ADGRL3: variants seen among roughly 807,000 people sequenced by gnomAD.
ADGRL3 encodes adhesion G protein-coupled receptor L3.
ADGRL3 carries 62 observed loss-of-function variants against 153.5 expected under a neutral mutation model. The observed-to-expected ratio is 0.40, with a 90% CI of 0.33 to 0.50. ADGRL3 has a LOEUF of 0.50. Among genes scored for constraint, ADGRL3 ranks in the 20% least tolerant of loss-of-function variants. The probability of loss-of-function intolerance (pLI) is 0.47; values close to 1 mark genes in which losing one functional copy is unlikely to be tolerated. For synonymous variants in ADGRL3, 710 were observed against 672.5 expected (o/e 1.06, Z -0.86); for missense variants, 1,641 against 1,859.4 (o/e 0.88, Z 2.16).
chr4:61,596,297 C>T (rs188129959), intron 5 of ADGRL3, among the ~76,000 whole-genome samples: 47 of 152,184 alleles, frequency 3.1e-4, no homozygotes, highest in Non-Finnish European at 5.3e-4. Flanking sequence ...ATTATGCCGG[C>T]CTTTTGTAAT....
chr4:61,598,865 A>C (rs2098999787), intron 5 of ADGRL3, among the ~76,000 whole-genome samples: 1 of 152,192 alleles, frequency 6.6e-6, no homozygotes, highest in Non-Finnish European at 1.5e-5. Context: ...TCAGGATGAT[A>C]GAGCAGACAT....
intron 11 of ADGRL3, 145 bp from the exon 12 acceptor site, chr4:61,909,415 G>A: frequency 3.5e-6 from 2 of 569,548 alleles, no homozygotes; most frequent in Non-Finnish European, 6.0e-6. Context: ...GAAAAATTGG[G>A]GAGTGTATTC....
intron 1 of ADGRL3, among the ~76,000 whole-genome samples, chr4:61,321,795 G>C (rs986545735): frequency 6.6e-6 from 1 of 152,098 alleles, no homozygotes; most frequent in Admixed American, 6.6e-5. Context: ...GTTGTTGAGT[G>C]AAATGTTGTT....
intron 4 of ADGRL3, among the ~76,000 whole-genome samples, chr4:61,576,725 T>C (rs1362744667): frequency 6.6e-6 from 1 of 151,464 alleles, no homozygotes; most frequent in Admixed American, 6.6e-5. Flanking sequence ...TCCTAACAAA[T>C]ATAGTCTAGT....
At chr4:61,335,490 C>A (rs1178062371) in intron 1 of ADGRL3, among the ~76,000 whole-genome samples, 1 of 152,154 alleles carries the variant, frequency 6.6e-6, no homozygotes, top group Non-Finnish European at 1.5e-5. Flanking sequence ...TCTTTCAGGA[C>A]TGATGTTCCT....
chr4:61,341,134 T>A lies in ADGRL3; in HGVS notation c.-239-41990T>A, dbSNP rs370748730. On this transcript the variant is annotated intron_variant, in intron 1 of 26. Coordinates refer to ENST00000683033, the MANE Select transcript of ADGRL3 (RefSeq NM_001387552.1). Reference sequence around the variant, plus strand: ...CACATTTACCTATCCTTCATTTTTCTTCTTTTGCTCAGAATAAGTTGTATG... The same window carrying A: ...CACATTTACCTATCCTTCATTTTTCATCTTTTGCTCAGAATAAGTTGTATG... Among the ~76,000 whole-genome samples the A allele has an allele frequency of 9.2e-5, 14 of 152,130 alleles. No individual in the cohort carries two copies. The East Asian group carries it at 1.2e-3, about 13-fold the overall frequency.
chr4:61,563,793 A>T (rs2098805227), intron 4 of ADGRL3, among the ~76,000 whole-genome samples: 1 of 152,110 alleles, frequency 6.6e-6, no homozygotes, highest in Non-Finnish European at 1.5e-5. Context: ...GCAGATCACA[A>T]GGTCAAGAAA....
chr4:61,446,615 C>G (rs555647985), intron 2 of ADGRL3, among the ~76,000 whole-genome samples: 5 of 152,018 alleles, frequency 3.3e-5, no homozygotes, highest in Non-Finnish European at 7.4e-5. Context: ...TGTCCAGGTG[C>G]AATTGAATAA....
chr4:61,990,965 TGTG>T (rs1365115031), intron 19 of ADGRL3, among the ~76,000 whole-genome samples: 2 of 113,144 alleles, frequency 1.8e-5, no homozygotes, highest in Non-Finnish European at 4.2e-5. Flanking sequence ...TGTGTGTGTG[TGTG>T]TGTGTGTGTG....
intron 2 of ADGRL3, among the ~76,000 whole-genome samples, chr4:61,481,072 A>T (rs891623875): frequency 2.8e-4 from 42 of 152,170 alleles, no homozygotes; most frequent in Non-Finnish European, 5.9e-5. Context: ...GGCCGTGGTC[A>T]TGAACACTCA....
intron 6 of ADGRL3, among the ~76,000 whole-genome samples, chr4:61,711,050 T>G (rs2095969177): frequency 6.6e-6 from 1 of 152,156 alleles, no homozygotes; most frequent in South Asian, 2.1e-4. Flanking sequence ...TTATAAATTA[T>G]GTAGTTGTGG....
At chr4:62,024,441 A>G (rs1432325007) in intron 21 of ADGRL3, among the ~76,000 whole-genome samples, 1 of 152,148 alleles carries the variant, frequency 6.6e-6, no homozygotes, top group African/African-American at 2.4e-5. Context: ...AAACATAGGA[A>G]TATAGCTTTT....
intron 1 of ADGRL3, among the ~76,000 whole-genome samples, chr4:61,267,268 A>G (rs890987730): frequency 6.6e-6 from 1 of 151,790 alleles, no homozygotes; most frequent in Non-Finnish European, 1.5e-5. Context: ...CTTATTTTCA[A>G]GGAAGGTCAT....
intron 1 of ADGRL3, among the ~76,000 whole-genome samples, chr4:61,296,185 TTAA>T (rs1330832952): frequency 1.3e-5 from 2 of 152,108 alleles, no homozygotes; most frequent in East Asian, 3.9e-4. Context: ...CAAAGCTAAC[TTAA>T]TAATACTGTT....
intron 4 of ADGRL3, among the ~76,000 whole-genome samples, chr4:61,565,137 T>C (rs1193783014): frequency 6.6e-6 from 1 of 152,180 alleles, no homozygotes; most frequent in Non-Finnish European, 1.5e-5. Context: ...GCAGGATTGC[T>C]ACACACCTTC....
At chr4:61,759,967 C>T (rs559952759) in intron 8 of ADGRL3, among the ~76,000 whole-genome samples, 13 of 152,284 alleles carry the variant, frequency 8.5e-5, no homozygotes, top group South Asian at 2.1e-4. Context: ...GTATCAGCAG[C>T]GGAGGCTGCA....
chr4:61,624,408 T>C (rs1450694214), intron 5 of ADGRL3, among the ~76,000 whole-genome samples: 1 of 152,146 alleles, frequency 6.6e-6, no homozygotes, highest in African/African-American at 2.4e-5. Flanking sequence ...CTGGGTTTTT[T>C]GGTTTATATT....
chr4:61,404,326 T>C, intron 2 of ADGRL3, among the ~76,000 whole-genome samples: 1 of 152,044 alleles, frequency 6.6e-6, no homozygotes, highest in East Asian at 1.9e-4. Context: ...CAGACCTCCC[T>C]GAGGACTAGA....
At chr4:61,932,478 G>C (rs2098821553) in intron 13 of ADGRL3, among the ~76,000 whole-genome samples, 1 of 152,080 alleles carries the variant, frequency 6.6e-6, no homozygotes, top group Non-Finnish European at 1.5e-5. Context: ...TATCACATTT[G>C]TTGATTTTTG....
Sources: gnomAD v4.1 joint callset for allele counts (sites outside exome capture counted in the v4.1 genomes callset) on GRCh38, gnomAD v4.1.1 for gene constraint, MANE v1.5 for transcripts, NCBI Gene and HGNC (gene_info 2026-07-23, HGNC 2026-07-21) for gene names.